Variants in OARD1 observed in about 807,000 individuals in gnomAD.
The protein encoded by OARD1 is O-acyl-ADP-ribose deacylase 1.
A neutral mutation model predicts 19.7 loss-of-function variants in OARD1; 19 were observed. The observed-to-expected ratio is 0.96, with a 90% confidence interval of 0.67 to 1.41. OARD1 has a LOEUF of 1.41. Among genes scored for constraint, OARD1 ranks in the 40% most tolerant of loss-of-function variants. The probability of loss-of-function intolerance (pLI) is 0.00; values close to 1 mark genes in which losing one functional copy is unlikely to be tolerated. For synonymous variants in OARD1, 70 were observed against 61.8 expected (o/e 1.13, Z -0.62); for missense variants, 190 against 183.8 (o/e 1.03, Z -0.20).
intron 1 of OARD1, among the ~76,000 whole-genome samples, chr6:41,087,716 TA>T (rs34732690): frequency 1.0e-4 from 15 of 149,012 alleles, no homozygotes; most frequent in East Asian, 2.0e-4. Context: ...CTTTTGCACT[TA>T]AAAAAAAAAG....
intron 1 of OARD1, chr6:41,080,895 G>A (rs1395345673): frequency 6.2e-6 from 10 of 1,613,180 alleles, no homozygotes. Flanking sequence ...GACCCTCCAG[G>A]TAGTGGTACC....
At chr6:41,083,283 C>G (rs537992196) in intron 1 of OARD1, among the ~76,000 whole-genome samples, 16 of 152,338 alleles carry the variant, frequency 1.1e-4, no homozygotes, top group Non-Finnish European at 1.6e-4. Flanking sequence ...AATTTGTACA[C>G]TTGACTGCTC....
At chr6:41,078,956 T>G (rs745682415) in intron 1 of OARD1, 27 of 645,824 alleles carry the variant, frequency 4.2e-5, no homozygotes, top group Middle Eastern at 2.6e-4. Context: ...AGTGATAAAT[T>G]ATCCAGGTTA....
At chr6:41,077,715 T>C (rs1443886591) in intron 1 of OARD1, among the ~76,000 whole-genome samples, 1 of 152,186 alleles carries the variant, frequency 6.6e-6, no homozygotes. Flanking sequence ...CGGTTTGTCA[T>C]GTTGCTGATT....
upstream of OARD1, among the ~76,000 whole-genome samples, chr6:41,076,461 A>G (rs1046395310): frequency 1.3e-5 from 2 of 152,194 alleles, no homozygotes; most frequent in Non-Finnish European, 1.5e-5. Context: ...TGATAATCCT[A>G]TGGCTTTTCA....
chr6:41,068,404 G>A (rs538626678), intron 5 of OARD1, among the ~76,000 whole-genome samples: 2 of 152,336 alleles, frequency 1.3e-5, no homozygotes, highest in African/African-American at 4.8e-5. Flanking sequence ...CAGTATAAAA[G>A]GGAATGATAA....
chr6:41,070,156 G>A, intron 3 of OARD1, 22 bp from the exon 4 acceptor site: 1 of 1,332,864 alleles, frequency 7.5e-7, no homozygotes, highest in Non-Finnish European at 1.1e-6. Flanking sequence ...TTATTTAATA[G>A]TAGAAATGAA....
chr6:41,078,483 A>C (rs1271307210), intron 1 of OARD1, among the ~76,000 whole-genome samples: 1 of 75,686 alleles, frequency 1.3e-5, no homozygotes, highest in Non-Finnish European at 2.5e-5. Context: ...TTGCTAACTT[A>C]TATCATTTTA....
intron 1 of OARD1, chr6:41,089,472 C>A: frequency 7.8e-7 from 1 of 1,278,276 alleles, no homozygotes; most frequent in Non-Finnish European, 1.0e-6. Flanking sequence ...TTCTTTTTTC[C>A]TCTTCAGAAC....
At chr6:41,069,273 A>G (rs536851071) in intron 4 of OARD1, 1 of 179,512 alleles carries the variant, frequency 5.6e-6, no homozygotes, top group East Asian at 1.5e-4. Flanking sequence ...GCCACTTCCA[A>G]GAGATAAGCT....
chr6:41,068,870 C>A lies in OARD1; in HGVS notation c.327G>T (p.Lys109Asn). 6.2e-7 allele frequency: 1 copy of A among 1,605,496 alleles called. No homozygotes were observed. Among genetic ancestry groups the A allele is most frequent in the Admixed American group, 1.7e-5 (1 of 59,368 alleles). ...SLEAMKSHCL[K>N]NGVTDLSMPR... ...GCATGGAGAGGTCAGTGACTCCATT[C>A]TTCAGACAATGAGACTTCATTGCCT... The change falls in exon 5 of 6, where the codon AAG (lysine) becomes AAT (asparagine). Residue 109 changes from lysine (K) to asparagine (N), a missense_variant. Transcript: ENST00000424266.
intron 1 of OARD1, among the ~76,000 whole-genome samples, chr6:41,086,922 A>G (rs1004699364): frequency 6.6e-6 from 1 of 152,178 alleles, no homozygotes; most frequent in Non-Finnish European, 1.5e-5. Context: ...AAAAGAAAAT[A>G]TAAGAATTTT....
intron 1 of OARD1, among the ~76,000 whole-genome samples, chr6:41,081,701 T>G (rs1763912208): frequency 6.7e-6 from 1 of 150,374 alleles, no homozygotes. Context: ...AAGCACTGAA[T>G]CTTGTTAATC....
chr6:41,070,937 A>C, intron 3 of OARD1, 195 bp downstream of exon 3: 1 of 623,052 alleles, frequency 1.6e-6, no homozygotes, highest in Non-Finnish European at 2.8e-6. Context: ...TACAAGAGGA[A>C]GAGATTAAAA....
At chr6:41,067,551 C>T (rs965776282) in intron 5 of OARD1, 114 bp from the exon 6 acceptor site, 4 of 665,188 alleles carry the variant, frequency 6.0e-6, no homozygotes, top group Admixed American at 2.6e-5. Context: ...GTCTGACACC[C>T]TTATGGGCAA....
upstream of OARD1, among the ~76,000 whole-genome samples, chr6:41,073,488 G>A (rs545175735): frequency 1.3e-3 from 199 of 152,160 alleles, 1 homozygote; most frequent in African/African-American, 4.7e-3. Context: ...TGGTCGTTCT[G>A]GCCGCAAACT....
At chr6:41,087,023 C>T (rs181142101) in intron 1 of OARD1, among the ~76,000 whole-genome samples, 5 of 152,010 alleles carry the variant, frequency 3.3e-5, no homozygotes, top group Admixed American at 2.6e-4. Flanking sequence ...AAGGTGAAAA[C>T]TTGGAAAAGA....
rs192942363 is a variant in OARD1, at chr6:41,066,865, T to A, written c.*470A>T. On this transcript the variant is annotated 3_prime_UTR_variant, in exon 6 of 6. Transcript: ENST00000424266. ...GGTAACAATGTAGAATTTAATTTTG[T>A]AATTAAAACAAAAACTCTCCCCTAG... is the stretch of plus-strand genomic sequence containing the variant. The A allele has an allele frequency of 4.6e-5, 7 of 152,352 alleles. No homozygotes were observed. Among genetic ancestry groups the A allele is most frequent in the Admixed American group, 3.9e-4 (6 of 15,306 alleles). The allele number at this position is 152,352 out of a possible 1,614,324, so 9.4% of individuals were successfully genotyped here.
At chr6:41,076,940 C>G (rs547830570), upstream of OARD1, among the ~76,000 whole-genome samples, 12 of 152,256 alleles carry the variant, frequency 7.9e-5, no homozygotes, top group South Asian at 4.1e-4. Context: ...GAGAGAATTG[C>G]TGCTAGATTT....
Sources: allele counts gnomAD v4.1 joint callset (sites outside exome capture counted in the v4.1 genomes callset), GRCh38; gene constraint gnomAD v4.1.1; transcripts MANE v1.5; gene names NCBI Gene and HGNC (gene_info 2026-07-23, HGNC 2026-07-21).